CEPT1: variants seen among roughly 807,000 people sequenced by gnomAD.
CEPT1 encodes choline/ethanolaminephosphotransferase 1.
CEPT1 carries 7 observed loss-of-function variants against 42.6 expected under a neutral mutation model. The observed-to-expected ratio is 0.16, with a 90% CI of 0.09 to 0.31. CEPT1 has a LOEUF of 0.31. Among genes scored for constraint, CEPT1 ranks in the 10% least tolerant of loss-of-function variants. CEPT1 has a pLI of 1.00. For missense variants in CEPT1, 306 were observed against 502.1 expected, an observed-to-expected ratio of 0.61 and a Z score of 3.73; for synonymous variants, 171 against 171.9, an observed-to-expected ratio of 0.99 and a Z score of 0.04.
chr1:111,148,079 C>T, intron 2 of CEPT1, 26 bp downstream of exon 2: 5 of 1,563,078 alleles, frequency 3.2e-6, no homozygotes, highest in Non-Finnish European at 4.4e-6. Flanking sequence ...CAGATCTCAA[C>T]ATTTGCTATA....
chr1:111,174,759 C>T, intron 4 of CEPT1, 120 bp from the exon 5 acceptor site: 1 of 555,690 alleles, frequency 1.8e-6, no homozygotes, highest in Non-Finnish European at 3.2e-6. Context: ...CCCCTTTCCT[C>T]AATATTTGAG....
At chr1:111,173,825 T>C (rs1656540096) in intron 4 of CEPT1, among the ~76,000 whole-genome samples, 4 of 152,184 alleles carry the variant, frequency 2.6e-5, no homozygotes. Flanking sequence ...CTGCAACTTA[T>C]TTTCACTTAC....
Position 111,147,915 on chromosome 1 carries a change from A to G in CEPT1, c.201A>G (p.Leu67=), listed in dbSNP as rs776929900. ...QSAGRSLLEP[L]MQGYWEWLVR... is the part of the protein sequence containing the mutation. ...CTGGACGGTCCCTGCTTGAGCCCTT[A>G]ATGCAAGGGTATTGGGAATGGCTCG... Residue 67 remains leucine (L), a synonymous_variant, in exon 2 of 9, where the codon TTA becomes TTG. Coordinates refer to ENST00000357172, the MANE Select transcript of CEPT1 (RefSeq NM_006090.5). 1 of 1,613,994 alleles carries G rather than the reference A, an allele frequency of 6.2e-7. No homozygotes were observed. The highest frequency in any genetic ancestry group is 8.5e-7 in the Non-Finnish European group (1 of 1,180,022).
intron 5 of CEPT1, among the ~76,000 whole-genome samples, chr1:111,176,950 A>G (rs1490379611): frequency 6.6e-6 from 1 of 152,224 alleles, no homozygotes; most frequent in Non-Finnish European, 1.5e-5. Flanking sequence ...AGCAAAAAAT[A>G]AGACATATCA....
At chr1:111,161,341 G>A in intron 4 of CEPT1, 45 bp downstream of exon 4, 1 of 1,520,586 alleles carries the variant, frequency 6.6e-7, no homozygotes, top group Non-Finnish European at 8.9e-7. Context: ...TTTCACATAT[G>A]GAGAATGTTG....
chr1:111,153,349 C>T (rs1451186631), intron 2 of CEPT1, among the ~76,000 whole-genome samples: 1 of 152,192 alleles, frequency 6.6e-6, no homozygotes, highest in Non-Finnish European at 1.5e-5. Flanking sequence ...GCTGGCATTA[C>T]AGGCATACAC....
intron 2 of CEPT1, among the ~76,000 whole-genome samples, chr1:111,154,999 G>A (rs960248168): frequency 3.9e-5 from 6 of 152,050 alleles, no homozygotes; most frequent in East Asian, 1.9e-4. Flanking sequence ...TGCTGGTTTC[G>A]TAGAATGAAT....
rs1164262105 is a variant in CEPT1, at chr1:111,185,036, GTTA to G, written c.*729_*731del. 1 of 152,180 alleles carries G rather than the reference GTTA, an allele frequency of 6.6e-6. No homozygotes were observed. Among genetic ancestry groups the G allele is most frequent in the Non-Finnish European group, 1.5e-5 (1 of 67,940 alleles). 9.4% of individuals were successfully genotyped at this position (152,180 alleles called of 1,614,324 possible). A position where few individuals can be genotyped will look rare whatever the true frequency, so the allele number is the denominator to read the frequency against. ...GTGGAAAGATAAACTAAGTTTTAAT[GTTA>G]TTTTTTTAAATTTAAGCAAAATTTA... On this transcript the variant is annotated 3_prime_UTR_variant, in exon 9 of 9. Coordinates refer to ENST00000357172, the MANE Select transcript of CEPT1 (RefSeq NM_006090.5).
chr1:111,170,469 A>G (rs1479696440), intron 4 of CEPT1, among the ~76,000 whole-genome samples: 1 of 152,204 alleles, frequency 6.6e-6, no homozygotes, highest in Non-Finnish European at 1.5e-5. Flanking sequence ...CTTGAATTAA[A>G]AATACTCCAA....
chr1:111,153,906 C>CTT (rs926816687), intron 2 of CEPT1, among the ~76,000 whole-genome samples: 1 of 152,030 alleles, frequency 6.6e-6, no homozygotes, highest in Non-Finnish European at 1.5e-5. Flanking sequence ...CAGCTTTGTT[C>CTT]TTTTTGCTCT....
At position 111,184,355 on chromosome 1, in the gene CEPT1, A is replaced by G. The variant is rs151257025; in HGVS notation, c.*45A>G. On this transcript the variant is annotated 3_prime_UTR_variant, in exon 9 of 9. Coordinates refer to ENST00000357172, the MANE Select transcript of CEPT1 (RefSeq NM_006090.5). ...GAACATCATGTTTTCTGCAGGAAAG[A>G]AAGTAACATATTAAGGAGAATGGGG... 2 of 1,500,050 alleles carry G rather than the reference A, an allele frequency of 1.3e-6. No individual in the cohort carries two copies. Among genetic ancestry groups the G allele is most frequent in the Admixed American group, 3.6e-5 (2 of 55,958 alleles). 92.9% of individuals were successfully genotyped at this position (1,500,050 alleles called of 1,614,324 possible). A position where few individuals can be genotyped will look rare whatever the true frequency, so the allele number is the denominator to read the frequency against.
chr1:111,159,952 C>G (rs937268149), intron 3 of CEPT1: 5 of 153,964 alleles, frequency 3.2e-5, no homozygotes, highest in African/African-American at 1.2e-4. Flanking sequence ...AAGACTATGA[C>G]AAATTAGGAG....
intron 2 of CEPT1, among the ~76,000 whole-genome samples, chr1:111,152,661 T>G (rs968789648): frequency 6.6e-6 from 1 of 152,178 alleles, no homozygotes; most frequent in Non-Finnish European, 1.5e-5. Context: ...TGGGTACTTT[T>G]GGGGGAGATT....
chr1:111,169,743 A>G (rs568878751), intron 4 of CEPT1, among the ~76,000 whole-genome samples: 3 of 152,312 alleles, frequency 2.0e-5, no homozygotes, highest in Admixed American at 2.0e-4. Context: ...TGTCCTTAAT[A>G]ATTTGTTTCT....
intron 5 of CEPT1, chr1:111,180,849 T>C (rs1262674152): frequency 6.6e-6 from 1 of 152,198 alleles, no homozygotes; most frequent in East Asian, 1.9e-4. Context: ...CCATACAAAG[T>C]GTAAACAGCC....
At chr1:111,175,410 G>A (rs1400121977) in intron 5 of CEPT1, among the ~76,000 whole-genome samples, 1 of 152,116 alleles carries the variant, frequency 6.6e-6, no homozygotes, top group Non-Finnish European at 1.5e-5. Context: ...CAGTGCCATG[G>A]GATTGTTTGA....
intron 1 of CEPT1, among the ~76,000 whole-genome samples, chr1:111,141,366 G>A (rs1300976235): frequency 6.6e-6 from 1 of 152,228 alleles, no homozygotes; most frequent in East Asian, 1.9e-4. Flanking sequence ...ACTAGTTAAG[G>A]CCCCCTGCAC....
At chr1:111,174,360 G>A (rs973395263) in intron 4 of CEPT1, among the ~76,000 whole-genome samples, 2 of 148,544 alleles carry the variant, frequency 1.3e-5, no homozygotes, top group Admixed American at 6.7e-5. Flanking sequence ...AACTGGAGGA[G>A]TTTTTTTTTT....
rs1413997615 is a variant in CEPT1, at chr1:111,182,879, TC to T, written c.928del (p.Gln310SerfsTer12). On this transcript the variant is annotated frameshift_variant, in exon 7 of 9. Coordinates refer to ENST00000357172, the MANE Select transcript of CEPT1 (RefSeq NM_006090.5). LOFTEE classifies it high-confidence loss of function. ...AAMIYKKSAV[Q>X]LFEKHPCLYI... ...CAATGATCTACAAGAAATCTGCAGT[TC>T]AGCTTTTTGAAAAGCATCCCTGTCT... is the stretch of plus-strand genomic sequence containing the variant. The T allele has an allele frequency of 6.2e-7, 1 of 1,613,582 alleles. No homozygotes were observed. The highest frequency in any genetic ancestry group is 1.3e-5 in the African/African-American group (1 of 74,922).
Sources: gnomAD v4.1 joint callset for allele counts (sites outside exome capture counted in the v4.1 genomes callset) on GRCh38, gnomAD v4.1.1 for gene constraint, MANE v1.5 for transcripts, NCBI Gene and HGNC (gene_info 2026-07-23, HGNC 2026-07-21) for gene names.